ZMAT4: variants seen among roughly 807,000 people sequenced by gnomAD.
ZMAT4 encodes the protein zinc finger matrin-type 4, also known as zinc finger matrin-type protein 4.
A neutral mutation model predicts 28.7 loss-of-function variants in ZMAT4; 17 were observed. That is an observed-to-expected ratio of 0.59 (90% CI 0.41 to 0.89). ZMAT4 has a LOEUF of 0.89. ZMAT4 is among the 40% of genes least tolerant of loss of function. The pLI is 0.00. For missense variants in ZMAT4, 240 were observed against 283.8 expected (o/e 0.85, Z 1.11); for synonymous variants, 117 against 109.2 (o/e 1.07, Z -0.44).
At chr8:40,839,768 A>G (rs1405697572) in intron 1 of ZMAT4, among the ~76,000 whole-genome samples, 2 of 152,198 alleles carry the variant, frequency 1.3e-5, no homozygotes, top group Non-Finnish European at 2.9e-5. Flanking sequence ...TGTATAACAC[A>G]TGGACATAGA....
chr8:40,894,604 CAG>C lies in ZMAT4; in HGVS notation c.-5+3077_-5+3078del, dbSNP rs1037799299. Among the ~76,000 whole-genome samples, 6 of 152,230 alleles carry C rather than the reference CAG, an allele frequency of 3.9e-5. No homozygotes were observed. In the South Asian group the frequency reaches 8.3e-4, roughly 21 times the overall value. On this transcript the variant is annotated intron_variant, in intron 1 of 6. Coordinates refer to ENST00000297737, the MANE Select transcript of ZMAT4 (RefSeq NM_024645.3). ...AATGAAAGATGAAGAGGGAAAATAGCAGAGTGTGGTGAATACATTTCAGGGTC... is the reference window on the plus strand; with the variant it reads ...AATGAAAGATGAAGAGGGAAAATAGCAGTGTGGTGAATACATTTCAGGGTC...
chr8:40,856,014 G>C (rs1368386806), intron 1 of ZMAT4, among the ~76,000 whole-genome samples: 2 of 151,834 alleles, frequency 1.3e-5, no homozygotes, highest in African/African-American at 4.8e-5. Flanking sequence ...TTTAAAGTGG[G>C]ATCCAATTTA....
chr8:40,613,440 T>A (rs1180435951), intron 5 of ZMAT4, among the ~76,000 whole-genome samples: 1 of 152,122 alleles, frequency 6.6e-6, no homozygotes, highest in African/African-American at 2.4e-5. Flanking sequence ...CATCTCGGCC[T>A]CCTAAAGTGC....
intron 5 of ZMAT4, among the ~76,000 whole-genome samples, chr8:40,660,181 A>G (rs1808122603): frequency 6.6e-6 from 1 of 152,176 alleles, no homozygotes; most frequent in Non-Finnish European, 1.5e-5. Context: ...CACTTATCTA[A>G]TGTAGACATC....
intron 6 of ZMAT4, among the ~76,000 whole-genome samples, chr8:40,536,486 G>A (rs974373690): frequency 6.6e-6 from 1 of 152,186 alleles, no homozygotes; most frequent in African/African-American, 2.4e-5. Flanking sequence ...AAAGGTCACT[G>A]TAATGTCACT....
intron 1 of ZMAT4, among the ~76,000 whole-genome samples, chr8:40,880,026 C>T (rs945176250): frequency 6.6e-6 from 1 of 152,184 alleles, no homozygotes; most frequent in African/African-American, 2.4e-5. Context: ...TATTTCCCCA[C>T]ATTTCTGATT....
At chr8:40,757,653 T>C (rs1426521747) in intron 3 of ZMAT4, among the ~76,000 whole-genome samples, 2 of 151,982 alleles carry the variant, frequency 1.3e-5, no homozygotes, top group Non-Finnish European at 2.9e-5. Flanking sequence ...ATGTAAAATA[T>C]AGGAAAATAA....
At chr8:40,638,095 G>T (rs1429451086) in intron 5 of ZMAT4, among the ~76,000 whole-genome samples, 1 of 152,136 alleles carries the variant, frequency 6.6e-6, no homozygotes, top group African/African-American at 2.4e-5. Context: ...GTTGGTCAAA[G>T]GGTACACCAT....
intron 4 of ZMAT4, among the ~76,000 whole-genome samples, chr8:40,682,784 T>C (rs2150480729): frequency 6.6e-6 from 1 of 152,306 alleles, no homozygotes; most frequent in African/African-American, 2.4e-5. Context: ...GTTAAGAGAG[T>C]ATTCATAGAC....
At chr8:40,710,122 G>A (rs1426017958) in intron 3 of ZMAT4, among the ~76,000 whole-genome samples, 1 of 151,190 alleles carries the variant, frequency 6.6e-6, no homozygotes, top group Non-Finnish European at 1.5e-5. Context: ...AAGATAAATA[G>A]AACCAATGGG....
Position 40,544,514 on chromosome 8 carries a change from C to T in ZMAT4, c.675-12276G>A, listed in dbSNP as rs77602436. Reference sequence around the variant, plus strand: ...ATGGAACAGTCGGACGACTAGGAAGCATCAAGACATGATCTCTCAGGCTTC... The same window carrying T: ...ATGGAACAGTCGGACGACTAGGAAGTATCAAGACATGATCTCTCAGGCTTC... On this transcript the variant is annotated intron_variant, in intron 6 of 6. Transcript: ENST00000297737. 4.4e-3 allele frequency among the ~76,000 whole-genome samples: 670 copies of T among 152,314 alleles called. 4 individuals are homozygous for T. Among genetic ancestry groups the T allele is most frequent in the African/African-American group, 0.016 (648 of 41,576 alleles).
chr8:40,584,305 A>C (rs1460916710), intron 5 of ZMAT4, among the ~76,000 whole-genome samples: 1 of 152,126 alleles, frequency 6.6e-6, no homozygotes, highest in African/African-American at 2.4e-5. Context: ...ACTGAGGGCA[A>C]AGAAGAAAAG....
intron 6 of ZMAT4, among the ~76,000 whole-genome samples, chr8:40,566,801 C>A (rs973263082): frequency 2.6e-5 from 4 of 151,772 alleles, no homozygotes; most frequent in Non-Finnish European, 5.9e-5. Context: ...TAAGGGACAA[C>A]TAGGTGCTAA....
intron 3 of ZMAT4, among the ~76,000 whole-genome samples, chr8:40,698,661 C>T (rs1585897621): frequency 6.6e-6 from 1 of 152,288 alleles, no homozygotes; most frequent in African/African-American, 2.4e-5. Flanking sequence ...GTCCAGACTG[C>T]TAGAGAGAGT....
At chr8:40,872,572 G>A (rs1405199062) in intron 1 of ZMAT4, among the ~76,000 whole-genome samples, 1 of 152,180 alleles carries the variant, frequency 6.6e-6, no homozygotes, top group African/African-American at 2.4e-5. Context: ...GTGGGCCTTA[G>A]GGGGCCAGGG....
chr8:40,598,119 T>C (rs945906773), intron 5 of ZMAT4, among the ~76,000 whole-genome samples: 3 of 152,222 alleles, frequency 2.0e-5, no homozygotes, highest in African/African-American at 7.2e-5. Flanking sequence ...TTAATGTTTC[T>C]TTTTCATACG....
intron 6 of ZMAT4, among the ~76,000 whole-genome samples, chr8:40,565,614 G>A (rs1238558618): frequency 1.3e-5 from 2 of 149,352 alleles, no homozygotes; most frequent in Non-Finnish European, 3.0e-5. Context: ...CTGTCTTCAG[G>A]TGATCTACAC....
At chr8:40,863,415 T>G (rs1216908995) in intron 1 of ZMAT4, among the ~76,000 whole-genome samples, 1 of 152,190 alleles carries the variant, frequency 6.6e-6, no homozygotes, top group African/African-American at 2.4e-5. Context: ...CTGCATGTCT[T>G]AGGCATCCTT....
Position 40,535,831 on chromosome 8 carries a change from G to C in ZMAT4, c.675-3593C>G, listed in dbSNP as rs1191758426. Among the ~76,000 whole-genome samples, 16 of 152,270 alleles carry C rather than the reference G, an allele frequency of 1.1e-4. No individual in the cohort carries two copies. In the East Asian group the frequency reaches 3.1e-3, roughly 29 times the overall value. On this transcript the variant is annotated intron_variant, in intron 6 of 6. Coordinates refer to ENST00000297737, the MANE Select transcript of ZMAT4 (RefSeq NM_024645.3). ...ACACTGAATGTAAACTGTTCAATAA[G>C]CCAGTGAAAAAACAGAGCAGAACAT...
Sources: gnomAD v4.1 joint callset for allele counts (sites outside exome capture counted in the v4.1 genomes callset) on GRCh38, gnomAD v4.1.1 for gene constraint, MANE v1.5 for transcripts, NCBI Gene and HGNC (gene_info 2026-07-23, HGNC 2026-07-21) for gene names.